Variants in C1QTNF2 observed in about 807,000 individuals in gnomAD.
The protein encoded by C1QTNF2 is C1q and TNF related 2, also known as complement C1q tumor necrosis factor-related protein 2.
In C1QTNF2, 15 loss-of-function variants were observed where a neutral mutation model predicts 17.4. The observed-to-expected ratio is 0.86, with a 90% confidence interval of 0.58 to 1.33. C1QTNF2 has a LOEUF of 1.33. Ranked by LOEUF, C1QTNF2 falls within the 40% of genes most tolerant of loss-of-function variation. The pLI, the probability that C1QTNF2 is intolerant of heterozygous loss-of-function variation, is 0.00. For synonymous variants in C1QTNF2, 154 were observed against 163.3 expected, an observed-to-expected ratio of 0.94 and a Z score of 0.44; for missense variants, 381 against 392.3, an observed-to-expected ratio of 0.97 and a Z score of 0.24.
chr5:160,349,678 G>A lies in C1QTNF2; in HGVS notation c.348C>T (p.Thr116=), dbSNP rs1271587590. ...GPRGPKGVNG[T]PGKHGTPGKK... is the part of the protein sequence containing the mutation. ...TGCCTGGTGTGCCATGCTTCCCGGG[G>A]GTACCGTTGACCCCCTTGGGGCCAC... is the stretch of plus-strand genomic sequence containing the variant. Residue 116 remains threonine, a synonymous_variant, in exon 3 of 3, where the codon ACC becomes ACT. Coordinates refer to ENST00000652664, the MANE Select transcript of C1QTNF2 (RefSeq NM_031908.6). The surrounding 1 kb of genome is among the most constrained non-coding windows in gnomAD (Gnocchi z 4.3). The A allele has an allele frequency of 2.5e-6, 4 of 1,612,698 alleles. No individual in the cohort carries two copies. The highest frequency in any genetic ancestry group is 3.4e-6 in the Non-Finnish European group (4 of 1,179,710).
In C1QTNF2 at chr5:160,370,589, C is replaced by T; in HGVS notation, c.-87G>A. 4 of 1,451,360 alleles carry T rather than the reference C, an allele frequency of 2.8e-6. No individual in the cohort carries two copies. The highest frequency in any genetic ancestry group is 3.6e-6 in the Non-Finnish European group (4 of 1,108,000). The allele number at this position is 1,451,360 out of a possible 1,614,324, so 89.9% of individuals were successfully genotyped here. On this transcript the variant is annotated 5_prime_UTR_variant, in exon 1 of 3. The change abolishes the stop of an existing upstream ORF in the 5' untranslated region. Transcript: ENST00000652664. The stretch of plus-strand genomic sequence containing the variant: ...CGGGGCTCCGCGTCCCGGCTTTCCT[C>T]AGCGGCAGCAGCCGGGCAGAGCGTC...
chr5:160,352,132 A>C (rs1474666152), intron 2 of C1QTNF2, among the ~76,000 whole-genome samples: 3 of 152,108 alleles, frequency 2.0e-5, no homozygotes, highest in Admixed American at 6.5e-5. Flanking sequence ...TCTGGTCTCA[A>C]ACTCCTGGCC....
intron 1 of C1QTNF2, 115 bp downstream of exon 1, chr5:160,370,397 C>G: frequency 7.7e-7 from 1 of 1,297,996 alleles, no homozygotes; most frequent in Non-Finnish European, 9.9e-7. Flanking sequence ...TAAAGGCGCG[C>G]TGGCAGCTCT....
intron 1 of C1QTNF2, 72 bp from the exon 2 acceptor site, chr5:160,355,092 G>T (rs1203584263): frequency 1.4e-6 from 2 of 1,454,978 alleles, no homozygotes; most frequent in Non-Finnish European, 1.8e-6. Context: ...CAGAGGGGAT[G>T]CACAGGAGGA....
chr5:160,348,985 T>C lies in C1QTNF2; in HGVS notation c.*183A>G. ...GATACTTTAAAAAGAAGTGAATAAA[T>C]AGATGGTTGGATGAATAAAAAGGTT... On this transcript the variant is annotated 3_prime_UTR_variant, in exon 3 of 3. Coordinates refer to ENST00000652664, the MANE Select transcript of C1QTNF2 (RefSeq NM_031908.6). The C allele has an allele frequency of 1.5e-6, 1 of 668,470 alleles. No individual in the cohort carries two copies. Among genetic ancestry groups the C allele is most frequent in the Non-Finnish European group, 2.4e-6 (1 of 408,180 alleles). 41.4% of individuals were successfully genotyped at this position (668,470 alleles called of 1,614,324 possible). A position where few individuals can be genotyped will look rare whatever the true frequency, so the allele number is the denominator to read the frequency against.
rs1246563371 is a variant in C1QTNF2, at chr5:160,354,848, C to T, written c.164G>A (p.Gly55Glu). Residue 55 changes from glycine to glutamate, a missense_variant, in exon 2 of 3, where the codon GGA (glycine) becomes GAA (glutamate). Transcript: ENST00000652664. Reference sequence around the variant, plus strand: ...AGGAAAGCCCATTCGTCCCATCATTCCTGAGGGCCCTGGGGCTCCTGGGGG... The same window carrying T: ...AGGAAAGCCCATTCGTCCCATCATTTCTGAGGGCCCTGGGGCTCCTGGGGG... Reference protein sequence around the residue: ...PGPPGAPGPSGMMGRMGFPGK... With the variant: ...PGPPGAPGPSEMMGRMGFPGK... 1 of 1,612,112 alleles carries T rather than the reference C, an allele frequency of 6.2e-7. No individual in the cohort carries two copies.
At chr5:160,354,595 A>ATATAT (rs1393405391) in intron 2 of C1QTNF2, among the ~76,000 whole-genome samples, 173 bp downstream of exon 2, 6 of 32,734 alleles carry the variant, frequency 1.8e-4, no homozygotes, top group African/African-American at 6.7e-4. Context: ...AAAAAAAAAA[A>ATATAT]AAGTATATAT....
intron 1 of C1QTNF2, among the ~76,000 whole-genome samples, chr5:160,364,082 G>C (rs1764204440): frequency 6.6e-6 from 1 of 152,232 alleles, no homozygotes. Flanking sequence ...TTTAGCCCTT[G>C]ATTTCCCAAA....
At chr5:160,351,081 A>G (rs1763911424) in intron 2 of C1QTNF2, among the ~76,000 whole-genome samples, 1 of 152,168 alleles carries the variant, frequency 6.6e-6, no homozygotes, top group Admixed American at 6.5e-5. Flanking sequence ...ACCCATTTAA[A>G]CGCATAGAAG....
At position 160,354,631 on chromosome 5, in the gene C1QTNF2, TATAG is replaced by T. The variant is rs1554127204; in HGVS notation, c.244+133_244+136del. The stretch of plus-strand genomic sequence containing the variant: ...ATATATATATATATATATATATATA[TATAG>T]ATTTATAAGTAAATAGTAATTTGAT... On this transcript the variant is annotated intron_variant, in intron 2 of 2. Coordinates refer to ENST00000652664, the MANE Select transcript of C1QTNF2 (RefSeq NM_031908.6). 3.1e-3 allele frequency: 685 copies of T among 223,560 alleles called. 20 individuals are homozygous for T. Among genetic ancestry groups the T allele is most frequent in the African/African-American group, 0.019 (612 of 31,754 alleles). 13.8% of individuals were successfully genotyped at this position (223,560 alleles called of 1,614,324 possible).
chr5:160,358,970 G>A (rs1443175173), intron 1 of C1QTNF2, among the ~76,000 whole-genome samples: 3 of 152,016 alleles, frequency 2.0e-5, no homozygotes, highest in Non-Finnish European at 4.4e-5. Flanking sequence ...TTGTAGAGAT[G>A]GGGTCTTGCC....
At chr5:160,356,400 G>C (rs1190748888) in intron 1 of C1QTNF2, among the ~76,000 whole-genome samples, 1 of 152,214 alleles carries the variant, frequency 6.6e-6, no homozygotes, top group Non-Finnish European at 1.5e-5. Flanking sequence ...GGGCTTGTTA[G>C]CACACAGGTT....
rs1407180864 is a variant in C1QTNF2, at chr5:160,349,751, T to C, written c.275A>G (p.Lys92Arg). ...GPPGRTGNRG[K>R]PGPKGKAGAI... ...CCCGGCTTTGCCCTTTGGTCCTGGC[T>C]TTCCCCGGTTACCTGTCCGGCCAGG... Residue 92 changes from lysine (K) to arginine (R), a missense_variant, in exon 3 of 3, where the codon AAG (lysine) becomes AGG (arginine). Transcript: ENST00000652664. The surrounding 1 kb of genome is among the most constrained non-coding windows in gnomAD (Gnocchi z 4.3). The C allele has an allele frequency of 2.1e-5, 33 of 1,534,902 alleles. No homozygotes were observed. Among genetic ancestry groups the C allele is most frequent in the Non-Finnish European group, 2.7e-5 (31 of 1,150,812 alleles).
chr5:160,355,972 T>C (rs1364253865), intron 1 of C1QTNF2, among the ~76,000 whole-genome samples: 3 of 152,092 alleles, frequency 2.0e-5, no homozygotes, highest in Non-Finnish European at 4.4e-5. Flanking sequence ...GCTGTCCAGA[T>C]CCAGAGCCTG....
At chr5:160,355,241 G>A (rs1764027200) in intron 1 of C1QTNF2, 4 of 985,246 alleles carry the variant, frequency 4.1e-6, no homozygotes, top group Non-Finnish European at 4.8e-6. Flanking sequence ...AATACACTTC[G>A]AAGGGGTCTC....
Position 160,349,335 on chromosome 5 carries a change from C to G in C1QTNF2, c.691G>C (p.Asp231His). The G allele has an allele frequency of 6.2e-7, 1 of 1,614,160 alleles. No homozygotes were observed. Among genetic ancestry groups the G allele is most frequent in the Non-Finnish European group, 8.5e-7 (1 of 1,180,036 alleles). Residue 231 changes from aspartate to histidine, a missense_variant, in exon 3 of 3, where the codon GAT (aspartate) becomes CAT (histidine). By Grantham distance (81) the Asp-to-His change is moderately conservative. Coordinates refer to ENST00000652664, the MANE Select transcript of C1QTNF2 (RefSeq NM_031908.6). This position sits in a 1 kb window ranked among gnomAD's most constrained non-coding sequence, Gnocchi z 4.3. ...RTFDANTGNH[D>H]VASGSTILAL... ...AGGATGGTGGAGCCTGAGGCCACAT[C>G]GTGGTTGCCGGTGTTGGCATCAAAG...
intron 1 of C1QTNF2, 129 bp from the exon 2 acceptor site, chr5:160,355,149 T>C: frequency 1.4e-6 from 2 of 1,412,448 alleles, no homozygotes; most frequent in South Asian, 1.6e-5. Context: ...TGCTCTTTCC[T>C]GCATCACATA....
chr5:160,364,437 T>C (rs892342175), intron 1 of C1QTNF2, among the ~76,000 whole-genome samples: 1 of 152,272 alleles, frequency 6.6e-6, no homozygotes, highest in Non-Finnish European at 1.5e-5. Flanking sequence ...GCCTGGCATA[T>C]GGCAAGAGGT....
rs1397412552 is a variant in C1QTNF2 at position 160,370,537 on chromosome 5, G to A, written c.-35C>T. On this transcript the variant is annotated 5_prime_UTR_variant, in exon 1 of 3. Coordinates refer to ENST00000652664, the MANE Select transcript of C1QTNF2 (RefSeq NM_031908.6). ...CCTCGCGGCTGCCCGCCACGTCCAG[G>A]GGCGTCCGGAGCAAAGAAGCTCTCG... The A allele has an allele frequency of 1.0e-5, 15 of 1,493,038 alleles. No individual in the cohort carries two copies. The highest frequency in any genetic ancestry group is 1.3e-5 in the Non-Finnish European group (15 of 1,130,476). 92.5% of individuals were successfully genotyped at this position (1,493,038 alleles called of 1,614,324 possible). A position where few individuals can be genotyped will look rare whatever the true frequency, so the allele number is the denominator to read the frequency against.
Sources: gnomAD v4.1 joint callset for allele counts (sites outside exome capture counted in the v4.1 genomes callset) on GRCh38, gnomAD v4.1.1 for gene constraint, Gnocchi (gnomAD v3.1) non-coding constraint, MANE v1.5 for transcripts, NCBI Gene and HGNC (gene_info 2026-07-23, HGNC 2026-07-21) for gene names.